ARSG: variants seen among roughly 807,000 people sequenced by gnomAD.
ARSG encodes arylsulfatase G, also known as ASG.
Under a neutral mutation model 50.5 loss-of-function variants are expected in ARSG, and 37 were observed. The ratio of observed to expected loss-of-function variants is 0.73; its 90% CI spans 0.56 to 0.96. The LOEUF is 0.96. Ranked by LOEUF, ARSG falls within the 50% of genes least tolerant of loss-of-function variation. The probability of loss-of-function intolerance (pLI) is 0.00; values close to 1 mark genes in which losing one functional copy is unlikely to be tolerated. For synonymous variants in ARSG, 225 were observed against 254.6 expected, an observed-to-expected ratio of 0.88 and a Z score of 1.11; for missense variants, 629 against 675.3, an observed-to-expected ratio of 0.93 and a Z score of 0.76.
chr17:68,425,351 G>A (rs938178848), downstream of ARSG, among the ~76,000 whole-genome samples: 2 of 151,104 alleles, frequency 1.3e-5, no homozygotes, highest in Non-Finnish European at 2.9e-5. Flanking sequence ...CTACAGGCAC[G>A]TGACACCACA....
chr17:68,333,261 G>A (rs1356887547), intron 2 of ARSG, among the ~76,000 whole-genome samples: 1 of 152,196 alleles, frequency 6.6e-6, no homozygotes, highest in Non-Finnish European at 1.5e-5. Flanking sequence ...GGCAGAGCTT[G>A]CAGCGAAGGG....
chr17:68,300,457 A>C (rs2076370885), intron 1 of ARSG, among the ~76,000 whole-genome samples: 1 of 152,210 alleles, frequency 6.6e-6, no homozygotes, highest in South Asian at 2.1e-4. Flanking sequence ...GGTTCTTAAA[A>C]ATGTGGCAAA....
At chr17:68,267,333 A>G (rs184309294) in intron 1 of ARSG, 40 of 152,346 alleles carry the variant, frequency 2.6e-4, no homozygotes, top group African/African-American at 8.4e-4. Context: ...TCAAGCAGTG[A>G]CAGAGATTTG....
chr17:68,364,098 G>A (rs567143046), intron 6 of ARSG, among the ~76,000 whole-genome samples: 13 of 152,136 alleles, frequency 8.5e-5, no homozygotes, highest in East Asian at 7.7e-4. Flanking sequence ...CTTCCATTTC[G>A]GATCAGATGA....
the ARSG span, among the ~76,000 whole-genome samples, chr17:68,429,639 A>G: frequency 6.6e-6 from 1 of 152,034 alleles, no homozygotes; most frequent in Non-Finnish European, 1.5e-5. Flanking sequence ...CCCAGGCTGG[A>G]GTGCAGTGGC....
chr17:68,325,071 A>G (rs1224158673), intron 2 of ARSG, among the ~76,000 whole-genome samples: 1 of 152,154 alleles, frequency 6.6e-6, no homozygotes, highest in African/African-American at 2.4e-5. Context: ...AGGCCACTGT[A>G]CCAGTCCATG....
chr17:68,409,564 C>T (rs944333187), intron 11 of ARSG, among the ~76,000 whole-genome samples: 48 of 152,028 alleles, frequency 3.2e-4, no homozygotes, highest in African/African-American at 7.0e-4. Flanking sequence ...GTGATGCCTC[C>T]GGCTTTGTTC....
chr17:68,429,790 C>T, the ARSG span, among the ~76,000 whole-genome samples: 2 of 152,122 alleles, frequency 1.3e-5, no homozygotes, highest in African/African-American at 2.4e-5. Context: ...GATTTCACCA[C>T]GTTGGCCAGG....
chr17:68,418,006 A>C (rs1483845839), intron 11 of ARSG, among the ~76,000 whole-genome samples: 1 of 152,000 alleles, frequency 6.6e-6, no homozygotes, highest in East Asian at 1.9e-4. Context: ...CTGGGATTAC[A>C]GGCGTGAGCC....
intron 5 of ARSG, among the ~76,000 whole-genome samples, chr17:68,356,162 A>C (rs766847766): frequency 2.0e-5 from 3 of 152,224 alleles, no homozygotes; most frequent in Non-Finnish European, 4.4e-5. Flanking sequence ...GATCACAGGC[A>C]TGAGCCACTG....
At chr17:68,388,003 C>A (rs1279376771) in intron 9 of ARSG, among the ~76,000 whole-genome samples, 2 of 152,144 alleles carry the variant, frequency 1.3e-5, no homozygotes, top group Non-Finnish European at 2.9e-5. Flanking sequence ...AAGGGTCTTG[C>A]ACGTGACCTG....
At chr17:68,436,374 C>T in the ARSG span, 1 of 1,613,464 alleles carries the variant, frequency 6.2e-7, no homozygotes, top group Admixed American at 1.7e-5. Flanking sequence ...AGGTCACCGT[C>T]AACTTACCAG....
chr17:68,424,811 AGG>A (rs2083050226), downstream of ARSG, among the ~76,000 whole-genome samples: 1 of 152,006 alleles, frequency 6.6e-6, no homozygotes, highest in African/African-American at 2.4e-5. Flanking sequence ...CAGGAGGCAG[AGG>A]CTGCAGCGAG....
chr17:68,366,939 C>A (rs1226566894), intron 6 of ARSG, among the ~76,000 whole-genome samples: 1 of 152,166 alleles, frequency 6.6e-6, no homozygotes, highest in African/African-American at 2.4e-5. Flanking sequence ...CCTACCTTCT[C>A]TCTATGAATT....
chr17:68,340,346 G>C (rs1283691868), intron 2 of ARSG, among the ~76,000 whole-genome samples: 2 of 152,138 alleles, frequency 1.3e-5, no homozygotes, highest in African/African-American at 4.8e-5. Context: ...GTACAGTGGT[G>C]CGATCTCGGC....
rs1555748597 is a variant in ARSG at position 68,271,327 on chromosome 17, T to C, written c.-552+11901T>C. The C allele has an allele frequency of 6.2e-7, 1 of 1,614,238 alleles. No homozygotes were observed. Among genetic ancestry groups the C allele is most frequent in the Non-Finnish European group, 8.5e-7 (1 of 1,180,036 alleles). On this transcript the variant is annotated intron_variant, in intron 1 of 11. Coordinates refer to the ARSG transcript ENST00000448504. The surrounding 1 kb of genome is among the most constrained non-coding windows in gnomAD (Gnocchi z 5.3). Reference sequence around the variant, plus strand: ...GAAGTCTAATAGCGGGGCTTTCTTTTCGCTTGGCCTGGGGCTGGTCTTCAC... The same window carrying C: ...GAAGTCTAATAGCGGGGCTTTCTTTCCGCTTGGCCTGGGGCTGGTCTTCAC...
downstream of ARSG, chr17:68,426,294 T>G: frequency 2.5e-6 from 2 of 785,370 alleles, no homozygotes; most frequent in Non-Finnish European, 4.2e-6. Context: ...GCTGTCTGTC[T>G]TCCCCCTGGA....
the ARSG span, among the ~76,000 whole-genome samples, chr17:68,437,016 A>ATGTGTGTGTGTGTG: frequency 0.026 from 3,735 of 144,606 alleles, 88 homozygotes; most frequent in African/African-American, 0.043. Context: ...ATATATATAT[A>ATGTGTGTGTGTGTG]TGTGTGTGTG....
At chr17:68,295,353 G>T (rs1026097020) in intron 1 of ARSG, among the ~76,000 whole-genome samples, 3 of 151,950 alleles carry the variant, frequency 2.0e-5, no homozygotes, top group Non-Finnish European at 2.9e-5. Flanking sequence ...ATGTATCGTT[G>T]GTGTCTGTCA....
Sources: allele counts gnomAD v4.1 joint callset (sites outside exome capture counted in the v4.1 genomes callset), GRCh38; gene constraint gnomAD v4.1.1; non-coding constraint Gnocchi (gnomAD v3.1); transcripts MANE v1.5; gene names NCBI Gene and HGNC (gene_info 2026-07-23, HGNC 2026-07-21).